Variants in BBOX1 observed in about 807,000 individuals in gnomAD.
BBOX1 encodes gamma-butyrobetaine dioxygenase.
Under a neutral mutation model 41.6 loss-of-function variants are expected in BBOX1, and 35 were observed. That is an observed-to-expected ratio of 0.84 (90% CI 0.64 to 1.11). The LOEUF (loss-of-function observed/expected upper bound fraction) is 1.11, where lower values mean the gene tolerates loss of function less well. Among genes scored for constraint, BBOX1 ranks in the 50% most tolerant of loss-of-function variants. The pLI is 0.00. For missense variants in BBOX1, 458 were observed against 460.6 expected (o/e 0.99, Z 0.05); for synonymous variants, 163 against 154.7 (o/e 1.05, Z -0.40).
intron 6 of BBOX1, among the ~76,000 whole-genome samples, chr11:27,117,560 A>C (rs554465047): frequency 6.6e-6 from 1 of 152,048 alleles, no homozygotes; most frequent in South Asian, 2.1e-4. Flanking sequence ...TCTTCTTCCA[A>C]ACATAGCTTG....
chr11:27,088,514 C>T (rs887518234), intron 4 of BBOX1, among the ~76,000 whole-genome samples: 1 of 151,952 alleles, frequency 6.6e-6, no homozygotes, highest in Admixed American at 6.6e-5. Context: ...AAAATTCTGA[C>T]TAGGAGCCAA....
chr11:27,056,615 A>C (rs1430368764), intron 3 of BBOX1, among the ~76,000 whole-genome samples: 1 of 152,164 alleles, frequency 6.6e-6, no homozygotes, highest in Non-Finnish European at 1.5e-5. Flanking sequence ...AGCTTCAGTT[A>C]TCACAGAAAG....
intron 4 of BBOX1, among the ~76,000 whole-genome samples, chr11:27,082,022 T>A (rs149624073): frequency 2.6e-5 from 4 of 152,280 alleles, no homozygotes; most frequent in Non-Finnish European, 4.4e-5. Flanking sequence ...TTCACTCTGA[T>A]GATAGTTTCT....
rs573101981 is a variant in BBOX1 at position 27,056,992 on chromosome 11, G to T, written c.220-209G>T. Among the ~76,000 whole-genome samples, 38 of 143,342 alleles carry T rather than the reference G, an allele frequency of 2.7e-4. No homozygotes were observed. The South Asian group carries it at 8.4e-3, about 32-fold the overall frequency. The allele number at this position is 143,342 out of a possible 152,430, so 94.0% of individuals were successfully genotyped here. A position where few individuals can be genotyped will look rare whatever the true frequency, so the allele number is the denominator to read the frequency against. On this transcript the variant is annotated intron_variant, in intron 3 of 8. Coordinates refer to ENST00000263182, the MANE Select transcript of BBOX1 (RefSeq NM_003986.3). ...GAGGCAGGGGAATCGCTGGAACCCG[G>T]GAGGCAGAGGTTGCAGTGAGCCGAG...
intron 4 of BBOX1, among the ~76,000 whole-genome samples, chr11:27,059,403 T>TG (rs1857075135): frequency 6.6e-6 from 1 of 152,150 alleles, no homozygotes; most frequent in African/African-American, 2.4e-5. Context: ...AAAGCCTGGG[T>TG]GCCCAAGCAG....
intron 4 of BBOX1, among the ~76,000 whole-genome samples, chr11:27,060,514 C>T (rs901431631): frequency 1.6e-4 from 24 of 152,148 alleles, no homozygotes; most frequent in African/African-American, 5.8e-4. Context: ...AGTTTTGTAA[C>T]ACCTCTCCTG....
intron 7 of BBOX1, 141 bp from the exon 8 acceptor site, chr11:27,125,513 G>A (rs974439287): frequency 1.5e-6 from 1 of 650,308 alleles, no homozygotes; most frequent in Non-Finnish European, 2.4e-6. Flanking sequence ...TTGCACCACA[G>A]GTAGCCTTAA....
At chr11:27,122,602 G>A (rs564321748) in intron 7 of BBOX1, among the ~76,000 whole-genome samples, 5 of 152,162 alleles carry the variant, frequency 3.3e-5, no homozygotes, top group Middle Eastern at 3.4e-3. Context: ...TTCGAAGTCC[G>A]AAATAAATTT....
chr11:27,068,750 A>C (rs1456388684), intron 4 of BBOX1, among the ~76,000 whole-genome samples: 1 of 152,022 alleles, frequency 6.6e-6, no homozygotes, highest in Non-Finnish European at 1.5e-5. Flanking sequence ...GATTTTTTAT[A>C]AGGTATGAGA....
intron 4 of BBOX1, among the ~76,000 whole-genome samples, chr11:27,059,759 T>C (rs969740334): frequency 6.6e-6 from 1 of 152,180 alleles, no homozygotes; most frequent in African/African-American, 2.4e-5. Flanking sequence ...CCTTAAGATT[T>C]AGTGACTGCC....
intron 4 of BBOX1, among the ~76,000 whole-genome samples, chr11:27,084,251 C>T (rs2197193): frequency 0.034 from 5,136 of 152,238 alleles, 130 homozygotes; most frequent in South Asian, 0.11. Flanking sequence ...AAAGCAGTAA[C>T]GTGTTCATTA....
intron 5 of BBOX1, among the ~76,000 whole-genome samples, chr11:27,103,559 T>A (rs955468210): frequency 6.6e-6 from 1 of 151,982 alleles, no homozygotes; most frequent in Admixed American, 6.6e-5. Context: ...TCTAATTTAT[T>A]CTTTGTTTAA....
chr11:27,123,959 A>G (rs1397865755), intron 7 of BBOX1, among the ~76,000 whole-genome samples: 1 of 152,128 alleles, frequency 6.6e-6, no homozygotes, highest in East Asian at 1.9e-4. Flanking sequence ...TGTGGGTTCA[A>G]TAGGTAGTTT....
intron 5 of BBOX1, among the ~76,000 whole-genome samples, chr11:27,106,668 G>C: frequency 6.6e-6 from 1 of 152,022 alleles, no homozygotes; most frequent in Non-Finnish European, 1.5e-5. Flanking sequence ...GTCAACATTA[G>C]ACAGATCAAT....
At chr11:27,126,148 T>TA (rs1185507702) in intron 8 of BBOX1, among the ~76,000 whole-genome samples, 6 of 152,256 alleles carry the variant, frequency 3.9e-5, no homozygotes, top group African/African-American at 1.4e-4. Context: ...TTACTTGAGA[T>TA]AAAAAAAGCA....
At position 27,056,447 on chromosome 11, in the gene BBOX1, G is replaced by A. The variant is rs145904734; in HGVS notation, c.220-754G>A. ...TAATTTTTGTATTTTTAGTAAAGAC[G>A]GGGTTTCACCATGTTAACCAGGCTG... is the stretch of plus-strand genomic sequence containing the variant. On this transcript the variant is annotated intron_variant, in intron 3 of 8. Coordinates refer to ENST00000263182, the MANE Select transcript of BBOX1 (RefSeq NM_003986.3). 1.4e-4 allele frequency among the ~76,000 whole-genome samples: 22 copies of A among 152,002 alleles called. No individual in the cohort carries two copies. The East Asian group carries it at 3.2e-3, about 22-fold the overall frequency.
intron 4 of BBOX1, among the ~76,000 whole-genome samples, chr11:27,070,991 G>C (rs900616952): frequency 2.0e-5 from 3 of 152,026 alleles, no homozygotes; most frequent in Non-Finnish European, 4.4e-5. Context: ...CTCAGCATTT[G>C]CTTGTCTGAA....
rs975719573 is a variant in BBOX1 at position 27,055,496 on chromosome 11, T to A, written c.66T>A (p.Tyr22Ter). 5.0e-6 allele frequency: 8 copies of A among 1,614,064 alleles called. No homozygotes were observed. The highest frequency in any genetic ancestry group is 6.8e-6 in the Non-Finnish European group (8 of 1,180,044). The change falls in exon 3 of 9, where the codon TAT (tyrosine) becomes TAA (stop). Residue 22 changes from tyrosine to a stop codon, truncating the protein, a stop_gained. Transcript: ENST00000263182. LOFTEE classifies it high-confidence loss of function. ...CTCATTTGATGCAGATCCTCTGGTA[T>A]GATGAGGAAGAGTCTCTCTACCCAG... is the stretch of plus-strand genomic sequence containing the variant. ...DGAHLMQILW[Y>*]DEEESLYPAV... is the part of the protein sequence containing the mutation.
intron 5 of BBOX1, among the ~76,000 whole-genome samples, chr11:27,099,792 G>A (rs1858579950): frequency 6.6e-6 from 1 of 152,100 alleles, no homozygotes. Flanking sequence ...CTGCAGGGGT[G>A]TTTTAATACC....
Sources: gnomAD v4.1 joint callset for allele counts (sites outside exome capture counted in the v4.1 genomes callset) on GRCh38, gnomAD v4.1.1 for gene constraint, MANE v1.5 for transcripts, NCBI Gene and HGNC (gene_info 2026-07-23, HGNC 2026-07-21) for gene names.